The following POLB variants were observed in gnomAD, a reference collection of about 807,000 sequenced individuals.
POLB encodes 5'-dRP lyase.
POLB carries 37 observed loss-of-function variants against 52.7 expected under a neutral mutation model. The ratio of observed to expected loss-of-function variants is 0.70; its 90% CI spans 0.54 to 0.92. POLB has a LOEUF of 0.92. Among genes scored for constraint, POLB ranks in the 40% least tolerant of loss-of-function variants. The probability of loss-of-function intolerance (pLI) is 0.00; values close to 1 mark genes in which losing one functional copy is unlikely to be tolerated. For missense variants in POLB, 313 were observed against 400.8 expected (o/e 0.78, Z 1.87); for synonymous variants, 138 against 131.3 (o/e 1.05, Z -0.35).
chr8:42,361,049 CGTT>C (rs1440298909), intron 9 of POLB: 8 of 634,700 alleles, frequency 1.3e-5, no homozygotes, highest in East Asian at 3.2e-5. Flanking sequence ...TAAATTAACT[CGTT>C]GTATGCAATG....
rs1338544284 is a variant in POLB at position 42,370,263 on chromosome 8, T to G, written c.913+275T>G. ...ATATCTTATTCATCTAAAAGGGTTT[T>G]TTTTTTTTTTTTTTTTTTTTTGCTG... On this transcript the variant is annotated intron_variant, in intron 13 of 13. Transcript: ENST00000265421. 12 of 333,180 alleles carry G rather than the reference T, an allele frequency of 3.6e-5. No individual in the cohort carries two copies. The East Asian group carries it at 8.9e-4, about 25-fold the overall frequency. The allele number at this position is 333,180 out of a possible 1,614,324, so 20.6% of individuals were successfully genotyped here.
rs1008263238 is a variant in POLB at position 42,369,513 on chromosome 8, T to C, written c.773+178T>C. 6 of 532,354 alleles carry C rather than the reference T, an allele frequency of 1.1e-5. No homozygotes were observed. In the Admixed American group the frequency reaches 1.8e-4, roughly 16 times the overall value. The allele number at this position is 532,354 out of a possible 1,614,324, so 33.0% of individuals were successfully genotyped here. On this transcript the variant is annotated intron_variant, in intron 12 of 13. Transcript: ENST00000265421. ...CAAAGTATGTAAAGAATAATGACTG[T>C]CTACAGACTCCAATTTATTTTCTCT...
intron 10 of POLB, among the ~76,000 whole-genome samples, chr8:42,361,990 C>T (rs898330122): frequency 3.3e-5 from 5 of 152,152 alleles, no homozygotes; most frequent in African/African-American, 7.2e-5. Flanking sequence ...TGGCCGGGCA[C>T]GGTGGCTCAT....
chr8:42,358,226 G>C (rs1823446994), intron 9 of POLB, among the ~76,000 whole-genome samples: 1 of 152,104 alleles, frequency 6.6e-6, no homozygotes, highest in Admixed American at 6.5e-5. Context: ...CTTTTGGCCA[G>C]GCGCGGTGGC....
At chr8:42,341,683 T>C (rs540971168) in intron 2 of POLB, 3 of 267,838 alleles carry the variant, frequency 1.1e-5, no homozygotes, top group African/African-American at 6.8e-5. Flanking sequence ...CGCTTTATGC[T>C]GAACTGCAGT....
At chr8:42,347,470 CCTT>C (rs1205152164) in intron 3 of POLB, among the ~76,000 whole-genome samples, 1 of 151,130 alleles carries the variant, frequency 6.6e-6, no homozygotes, top group East Asian at 1.9e-4. Context: ...CTAATCTATT[CCTT>C]CTTAGTAACG....
intron 2 of POLB, among the ~76,000 whole-genome samples, chr8:42,343,869 C>T (rs1448750384): frequency 6.6e-6 from 1 of 151,844 alleles, no homozygotes; most frequent in Admixed American, 6.6e-5. Context: ...TGGTGGCTCA[C>T]GCCTGTAACC....
At chr8:42,370,246 T>C (rs1167380061) in intron 13 of POLB, 4 of 543,162 alleles carry the variant, frequency 7.4e-6, no homozygotes, top group Non-Finnish European at 1.4e-5. Flanking sequence ...AAATATCTTA[T>C]TCATCTAAAA....
chr8:42,344,210 T>C (rs1347170140), intron 2 of POLB, among the ~76,000 whole-genome samples: 1 of 148,004 alleles, frequency 6.8e-6, no homozygotes, highest in Non-Finnish European at 1.5e-5. Flanking sequence ...TTCACACCTG[T>C]AATCCTAGCT....
At chr8:42,351,953 G>T (rs1408691656) in intron 5 of POLB, among the ~76,000 whole-genome samples, 1 of 152,100 alleles carries the variant, frequency 6.6e-6, no homozygotes, top group African/African-American at 2.4e-5. Flanking sequence ...TAGGGCCCTT[G>T]CACTAATTGT....
intron 5 of POLB, among the ~76,000 whole-genome samples, chr8:42,350,275 C>CT (rs1326154553): frequency 6.6e-6 from 1 of 152,120 alleles, no homozygotes; most frequent in African/African-American, 2.4e-5. Context: ...ATGTTACCTC[C>CT]TTCATGAAAC....
At position 42,370,264 on chromosome 8, in the gene POLB, T is replaced by G. The variant is rs1450584286; in HGVS notation, c.913+276T>G. 8 of 401,256 alleles carry G rather than the reference T, an allele frequency of 2.0e-5. No individual in the cohort carries two copies. The East Asian group carries it at 4.6e-4, about 23-fold the overall frequency. 24.9% of individuals were successfully genotyped at this position (401,256 alleles called of 1,614,324 possible). The stretch of plus-strand genomic sequence containing the variant: ...TATCTTATTCATCTAAAAGGGTTTT[T>G]TTTTTTTTTTTTTTTTTTTTGCTGT... On this transcript the variant is annotated intron_variant, in intron 13 of 13. Coordinates refer to ENST00000265421, the MANE Select transcript of POLB (RefSeq NM_002690.3).
chr8:42,370,259 G>GTTTTTTTTTTTTTTTTTTTTT (rs34271342), intron 13 of POLB: 1 of 259,970 alleles, frequency 3.8e-6, no homozygotes, highest in Non-Finnish European at 7.6e-6. Context: ...ATCTAAAAGG[G>GTTTTTTTTTTTTTTTTTTTTT]TTTTTTTTTT....
intron 5 of POLB, among the ~76,000 whole-genome samples, chr8:42,351,401 G>A (rs768295240): frequency 2.6e-5 from 4 of 152,132 alleles, no homozygotes; most frequent in Non-Finnish European, 5.9e-5. Context: ...TATTTGTCCC[G>A]AAACACTGTG....
At chr8:42,338,719 C>A in intron 1 of POLB, 34 bp downstream of exon 1, 1 of 1,598,452 alleles carries the variant, frequency 6.3e-7, no homozygotes, top group Non-Finnish European at 8.6e-7. Context: ...TGGCTTTCTT[C>A]TTTCCTTCCA....
chr8:42,348,947 A>C lies in POLB; in HGVS notation c.187-69A>C, dbSNP rs1822798541. 1.6e-5 allele frequency: 13 copies of C among 834,430 alleles called. No individual in the cohort carries two copies. In the South Asian group the frequency reaches 1.9e-4, roughly 12 times the overall value. 51.7% of individuals were successfully genotyped at this position (834,430 alleles called of 1,614,324 possible). On this transcript the variant is annotated intron_variant, in intron 3 of 13. Transcript: ENST00000265421. ...ATTTGTTTTTCATTTTCTGCTTTTT[A>C]CTTTATCTTTTAGTGATTTGGTAAG...
At position 42,369,201 on chromosome 8, in the gene POLB, GT is replaced by G. The variant is rs1437074203; in HGVS notation, c.709-66del. The G allele has an allele frequency of 6.4e-6, 6 of 941,584 alleles. No homozygotes were observed. In the Admixed American group the frequency reaches 1.0e-4, roughly 16 times the overall value. The allele number at this position is 941,584 out of a possible 1,614,324, so 58.3% of individuals were successfully genotyped here. ...ACATTAAAAACAAAAATGGCCTTGTGTTTTACTTGATTAAAATTAAGCCTTA... is the reference window on the plus strand; with the variant it reads ...ACATTAAAAACAAAAATGGCCTTGTGTTTACTTGATTAAAATTAAGCCTTA... On this transcript the variant is annotated intron_variant, in intron 11 of 13. Transcript: ENST00000265421.
chr8:42,354,790 C>T (rs1823197154), intron 6 of POLB, among the ~76,000 whole-genome samples: 1 of 152,002 alleles, frequency 6.6e-6, no homozygotes, highest in African/African-American at 2.4e-5. Context: ...GATCCTCCCA[C>T]CTCAGCCTCC....
At position 42,344,932 on chromosome 8, in the gene POLB, CCTTTT is replaced by C. The variant is rs1390695312; in HGVS notation, c.120-17_120-13del. On this transcript the variant is annotated splice_polypyrimidine_tract_variant and intron_variant, in intron 2 of 13. Coordinates refer to ENST00000265421, the MANE Select transcript of POLB (RefSeq NM_002690.3). The stretch of plus-strand genomic sequence containing the variant: ...CCTTGATGGATTTCTAATTGGTTTT[CCTTTT>C]CTTCTTTCCTTATAGAAAAGCAGCA... 1.3e-6 allele frequency: 2 copies of C among 1,500,028 alleles called. No individual in the cohort carries two copies. Among genetic ancestry groups the C allele is most frequent in the Non-Finnish European group, 1.9e-6 (2 of 1,077,126 alleles). 92.9% of individuals were successfully genotyped at this position (1,500,028 alleles called of 1,614,324 possible).
Sources: gnomAD v4.1 joint callset for allele counts (sites outside exome capture counted in the v4.1 genomes callset) on GRCh38, gnomAD v4.1.1 for gene constraint, MANE v1.5 for transcripts, NCBI Gene and HGNC (gene_info 2026-07-23, HGNC 2026-07-21) for gene names.